Variants in MACROD2 observed in about 807,000 individuals in gnomAD.
MACROD2 encodes the protein mono-ADP ribosylhydrolase 2, also known as ADP-ribose glycohydrolase MACROD2.
A neutral mutation model predicts 70.4 loss-of-function variants in MACROD2; 36 were observed. The observed-to-expected ratio is 0.51, with a 90% CI of 0.39 to 0.68. MACROD2 has a LOEUF of 0.68. Ranked by LOEUF, MACROD2 falls within the 30% of genes least tolerant of loss-of-function variation. The pLI, the probability that MACROD2 is intolerant of heterozygous loss-of-function variation, is 0.00. For missense variants in MACROD2, 496 were observed against 538.4 expected, an observed-to-expected ratio of 0.92 and a Z score of 0.78; for synonymous variants, 172 against 178.8, an observed-to-expected ratio of 0.96 and a Z score of 0.30.
chr20:14,068,735 A>G (rs1183328833), intron 2 of MACROD2, among the ~76,000 whole-genome samples: 1 of 152,144 alleles, frequency 6.6e-6, no homozygotes, highest in African/African-American at 2.4e-5. Context: ...TTCACCCATG[A>G]TGAGAAATAT....
chr20:15,689,322 G>T (rs895463503), intron 8 of MACROD2, among the ~76,000 whole-genome samples: 1 of 151,522 alleles, frequency 6.6e-6, no homozygotes, highest in Non-Finnish European at 1.5e-5. Context: ...AAAAAAGATA[G>T]ATTGGGCCCT....
chr20:14,376,580 C>G (rs2083373193), intron 3 of MACROD2, among the ~76,000 whole-genome samples: 1 of 151,860 alleles, frequency 6.6e-6, no homozygotes, highest in South Asian at 2.1e-4. Context: ...GACTCCGTCT[C>G]TACAAAAAAT....
At chr20:16,005,365 C>A (rs6080084) in intron 15 of MACROD2, among the ~76,000 whole-genome samples, 16,725 of 152,208 alleles carry the variant, frequency 0.11, 1,195 homozygotes, top group Middle Eastern at 0.18. Flanking sequence ...CTGAACAGGG[C>A]CTTTAGAGCA....
chr20:15,308,445 C>T (rs532246055), intron 6 of MACROD2, among the ~76,000 whole-genome samples: 1 of 152,072 alleles, frequency 6.6e-6, no homozygotes, highest in African/African-American at 2.4e-5. Flanking sequence ...TTATGGATAC[C>T]ATTTATTACC....
At chr20:15,595,591 G>A (rs765149459) in intron 8 of MACROD2, among the ~76,000 whole-genome samples, 7 of 152,080 alleles carry the variant, frequency 4.6e-5, no homozygotes, top group African/African-American at 4.8e-5. Flanking sequence ...CAGCTATCAA[G>A]AACTTGTTTT....
Position 14,836,633 on chromosome 20 carries a change from TC to T in MACROD2, c.418+151675del, listed in dbSNP as rs1227557514. Reference sequence around the variant, plus strand: ...GTTATCCATAGGTTGCCTATACTAGTCAATCAAATTCTGGAAGATGGAAATG... The same window carrying T: ...GTTATCCATAGGTTGCCTATACTAGTAATCAAATTCTGGAAGATGGAAATG... On this transcript the variant is annotated intron_variant, in intron 5 of 17. Coordinates refer to ENST00000684519, the MANE Select transcript of MACROD2 (RefSeq NM_001351661.2). 3.3e-5 allele frequency among the ~76,000 whole-genome samples: 5 copies of T among 152,074 alleles called. No individual in the cohort carries two copies. The East Asian group carries it at 9.6e-4, about 29-fold the overall frequency.
At chr20:14,684,461 G>A (rs752799520) in intron 4 of MACROD2, among the ~76,000 whole-genome samples, 1 of 152,088 alleles carries the variant, frequency 6.6e-6, no homozygotes, top group Non-Finnish European at 1.5e-5. Context: ...ACAATTGTGA[G>A]CATTTCTTCT....
rs1363554960 is a variant in MACROD2 at position 15,335,961 on chromosome 20, C to A, written c.541-95444C>A. Among the ~76,000 whole-genome samples the A allele has an allele frequency of 1.3e-5, 2 of 151,658 alleles. 1 individual carries two copies. The highest frequency in any genetic ancestry group is 4.9e-5 in the African/African-American group (2 of 40,962). ...TGCCTTGCGCTTTCTAGCCTTCAGA[C>A]CTTTTCTCCCAGTTTGTCCTTCACT... is the stretch of plus-strand genomic sequence containing the variant. On this transcript the variant is annotated intron_variant, in intron 6 of 17. Coordinates refer to ENST00000684519, the MANE Select transcript of MACROD2 (RefSeq NM_001351661.2).
At chr20:14,055,270 A>G (rs1255934987) in intron 2 of MACROD2, among the ~76,000 whole-genome samples, 1 of 152,104 alleles carries the variant, frequency 6.6e-6, no homozygotes, top group Admixed American at 6.6e-5. Context: ...CGTTCTTTAT[A>G]GTTTTACTCT....
chr20:14,319,611 C>T (rs368317269), intron 3 of MACROD2, among the ~76,000 whole-genome samples: 2 of 152,256 alleles, frequency 1.3e-5, no homozygotes, highest in South Asian at 2.1e-4. Flanking sequence ...ACTCTGCAGA[C>T]GCTGCTTTCA....
intron 6 of MACROD2, among the ~76,000 whole-genome samples, chr20:15,319,198 T>C (rs768181943): frequency 4.3e-4 from 65 of 152,156 alleles, no homozygotes; most frequent in Non-Finnish European, 1.5e-4. Context: ...ATTAAGAATA[T>C]ACTTTTCTTT....
chr20:14,517,924 C>A (rs1043927276), intron 4 of MACROD2, among the ~76,000 whole-genome samples: 3 of 151,622 alleles, frequency 2.0e-5, no homozygotes, highest in Admixed American at 2.0e-4. Context: ...ATGATGTCTT[C>A]GAGACTGTTA....
rs181374118 is a variant in MACROD2 at position 15,847,758 on chromosome 20, A to G, written c.646-14987A>G. Among the ~76,000 whole-genome samples, 487 of 152,248 alleles carry G rather than the reference A, an allele frequency of 3.2e-3. 4 individuals carry two copies. The highest frequency in any genetic ancestry group is 0.011 in the African/African-American group (454 of 41,552). ...CTGACTGTTATTGTTCTTTTTTTCC[A>G]TATACCCCCAGTGAGAAAGGTTGAC... is the stretch of plus-strand genomic sequence containing the variant. On this transcript the variant is annotated intron_variant, in intron 8 of 17. Transcript: ENST00000684519.
intron 5 of MACROD2, among the ~76,000 whole-genome samples, chr20:15,093,948 C>T (rs1271946343): frequency 6.6e-6 from 1 of 152,100 alleles, no homozygotes; most frequent in Admixed American, 6.5e-5. Context: ...CAACAGCCAC[C>T]AAGGGATAGA....
At chr20:15,082,774 T>C (rs956229556) in intron 5 of MACROD2, among the ~76,000 whole-genome samples, 5 of 152,156 alleles carry the variant, frequency 3.3e-5, no homozygotes, top group Admixed American at 2.6e-4. Flanking sequence ...TTGTGACATT[T>C]CTTTTCTGTT....
At chr20:15,861,856 G>A (rs903593483) in intron 8 of MACROD2, among the ~76,000 whole-genome samples, 2 of 152,130 alleles carry the variant, frequency 1.3e-5, no homozygotes, top group Non-Finnish European at 2.9e-5. Flanking sequence ...CTACTGCCAC[G>A]AGAAACACCT....
chr20:14,650,491 T>A (rs1201261158), intron 4 of MACROD2, among the ~76,000 whole-genome samples: 1 of 152,216 alleles, frequency 6.6e-6, no homozygotes, highest in African/African-American at 2.4e-5. Context: ...GCATAAATTA[T>A]CAATGGTTCT....
intron 8 of MACROD2, among the ~76,000 whole-genome samples, chr20:15,726,430 T>A (rs1360815507): frequency 6.6e-6 from 1 of 152,160 alleles, no homozygotes. Context: ...ACAATTTCTG[T>A]TACTTTGGGT....
chr20:15,203,355 T>G (rs1383854543), intron 5 of MACROD2, among the ~76,000 whole-genome samples: 2 of 152,124 alleles, frequency 1.3e-5, no homozygotes, highest in Non-Finnish European at 2.9e-5. Flanking sequence ...CTTTTCCTGG[T>G]TGTTTTATGA....
Sources: gnomAD v4.1 joint callset for allele counts (sites outside exome capture counted in the v4.1 genomes callset) on GRCh38, gnomAD v4.1.1 for gene constraint, MANE v1.5 for transcripts, NCBI Gene and HGNC (gene_info 2026-07-23, HGNC 2026-07-21) for gene names.